The following ANKRD40CL variants were observed in gnomAD, a reference collection of about 807,000 sequenced individuals.
ANKRD40CL encodes the protein ANKRD40 C-terminal like, also known as putative ANKRD40 C-terminal-like protein.
For missense variants in ANKRD40CL, 11 were observed against 6.4 expected (o/e 1.71, Z -0.77); for synonymous variants, 5 against 2.3 (o/e 2.14, Z -1.04).
At chr17:50,767,244 G>A (rs1260451542) in intron 1 of ANKRD40CL, 1 of 535,368 alleles carries the variant, frequency 1.9e-6, no homozygotes, top group Non-Finnish European at 3.6e-6. Context: ...TCGGAGGGGA[G>A]GCCAGAGAGG....
chr17:50,767,187 G>T (rs780750862), intron 1 of ANKRD40CL, 176 bp from the exon 2 acceptor site: 8 of 631,614 alleles, frequency 1.3e-5, no homozygotes, highest in Non-Finnish European at 2.3e-5. Context: ...TGTCCCCACT[G>T]GAAGACGGTG....
intron 2 of ANKRD40CL, chr17:50,764,863 G>T (rs1166408861): frequency 1.3e-5 from 2 of 152,204 alleles, no homozygotes; most frequent in African/African-American, 4.8e-5. Flanking sequence ...CAGTTGTCGG[G>T]GCATGATGAA....
Position 50,762,630 on chromosome 17 carries a change from TC to T in ANKRD40CL, c.201+766del, listed in dbSNP as rs1370287068. Among the ~76,000 whole-genome samples, 3 of 152,128 alleles carry T rather than the reference TC, an allele frequency of 2.0e-5. No homozygotes were observed. In the East Asian group the frequency reaches 5.8e-4, roughly 29 times the overall value. ...ATTTTGAAAGCTTTAAAGAAAAATT[TC>T]CAAAGAAATAAGATTTCCTTTCCAA... On this transcript the variant is annotated intron_variant, in intron 3 of 3. Transcript: ENST00000450727.
intron 2 of ANKRD40CL, 61 bp downstream of exon 2, chr17:50,766,813 C>G: frequency 3.3e-6 from 2 of 605,710 alleles, no homozygotes; most frequent in Non-Finnish European, 5.8e-6. Context: ...TCCCAGCCTT[C>G]CCCAGCCCCC....
intron 2 of ANKRD40CL, among the ~76,000 whole-genome samples, chr17:50,765,682 C>T (rs754401987): frequency 5.9e-5 from 9 of 152,194 alleles, no homozygotes; most frequent in Non-Finnish European, 8.8e-5. Flanking sequence ...CAGGGTATTG[C>T]GACCTCCCCA....
intron 2 of ANKRD40CL, chr17:50,763,936 C>A: frequency 2.6e-6 from 1 of 389,016 alleles, no homozygotes; most frequent in Non-Finnish European, 4.5e-6. Flanking sequence ...CCCTGGGGGC[C>A]CTGGTGTCCT....
intron 1 of ANKRD40CL, 199 bp downstream of exon 1, chr17:50,767,264 C>A: frequency 2.0e-6 from 1 of 498,828 alleles, no homozygotes; most frequent in South Asian, 1.7e-5. Context: ...GCACAGCAGG[C>A]ACCCAGCCAG....
intron 1 of ANKRD40CL, 136 bp downstream of exon 1, chr17:50,767,327 A>G (rs926553847): frequency 5.3e-6 from 2 of 376,956 alleles, no homozygotes; most frequent in Admixed American, 3.7e-5. Flanking sequence ...TAGCTTCTAC[A>G]CCAGGGGTAA....
rs58902684 is a variant in ANKRD40CL at position 50,761,033 on chromosome 17, A to ATTATTTATTTAT, written c.*318_*329dup. On this transcript the variant is annotated 3_prime_UTR_variant, in exon 4 of 4. Transcript: ENST00000450727. Reference sequence around the variant, plus strand: ...TTCAGTTTTTTAATTCCTGGGATTGATTATTTATTTATTTATTTATTTTGA... The same window carrying ATTATTTATTTAT: ...TTCAGTTTTTTAATTCCTGGGATTGATTATTTATTTATTTATTTATTTATTTATTTATTTTGA... 67,304 of 148,482 alleles carry ATTATTTATTTAT rather than the reference A, an allele frequency of 0.45. 15,967 individuals carry two copies. Among genetic ancestry groups the ATTATTTATTTAT allele is most frequent in the Non-Finnish European group, 0.51 (34,878 of 67,914 alleles). 9.2% of individuals were successfully genotyped at this position (148,482 alleles called of 1,614,324 possible). A position where few individuals can be genotyped will look rare whatever the true frequency, so the allele number is the denominator to read the frequency against.
Position 50,764,369 on chromosome 17 carries a change from G to T in ANKRD40CL, c.41-812C>A, listed in dbSNP as rs1971259476. The T allele has an allele frequency of 7.6e-6, 3 of 397,214 alleles. No individual in the cohort carries two copies. The East Asian group carries it at 1.1e-4, about 14-fold the overall frequency. 24.6% of individuals were successfully genotyped at this position (397,214 alleles called of 1,614,324 possible). ...TGCAGCTTATCCTCCCCTTCTCAAG[G>T]GAAAAGGCAAGTCAGGAAAAGGGCA... On this transcript the variant is annotated intron_variant, in intron 2 of 3. Transcript: ENST00000450727.
chr17:50,767,214 AC>A (rs1346959561), intron 1 of ANKRD40CL: 9 of 593,180 alleles, frequency 1.5e-5, no homozygotes, highest in Non-Finnish European at 2.5e-5. Flanking sequence ...GGTAGTACTC[AC>A]CCGAGGGAAT....
intron 1 of ANKRD40CL, 66 bp downstream of exon 1, chr17:50,767,397 T>G: frequency 2.9e-6 from 1 of 340,724 alleles, no homozygotes; most frequent in Non-Finnish European, 5.8e-6. Flanking sequence ...TTTCACTGTC[T>G]TTACTCCCAG....
intron 3 of ANKRD40CL, 76 bp downstream of exon 3, chr17:50,763,321 G>A (rs1024060049): frequency 5.0e-6 from 2 of 398,812 alleles, no homozygotes; most frequent in African/African-American, 2.1e-5. Flanking sequence ...ATGAAATGCA[G>A]AAGTGTAAAC....
At chr17:50,762,101 T>C (rs1045891472) in intron 3 of ANKRD40CL, among the ~76,000 whole-genome samples, 1 of 151,908 alleles carries the variant, frequency 6.6e-6, no homozygotes, top group Non-Finnish European at 1.5e-5. Context: ...TGTATTTTCC[T>C]GTAGAGACAG....
intron 2 of ANKRD40CL, 179 bp from the exon 3 acceptor site, chr17:50,763,736 T>G (rs1403315779): frequency 2.5e-6 from 1 of 393,076 alleles, no homozygotes; most frequent in Non-Finnish European, 4.5e-6. Context: ...GAGGGTTCTT[T>G]TCTTGGAGTG....
intron 2 of ANKRD40CL, chr17:50,766,481 C>G (rs914174118): frequency 4.9e-6 from 1 of 202,030 alleles, no homozygotes; most frequent in African/African-American, 2.3e-5. Flanking sequence ...GCCCTTTGCA[C>G]TCAGGCAGAT....
At chr17:50,763,613 C>CA in intron 2 of ANKRD40CL, 56 bp from the exon 3 acceptor site, 1 of 398,748 alleles carries the variant, frequency 2.5e-6, no homozygotes, top group Non-Finnish European at 4.4e-6. Context: ...GTAAAGGAAA[C>CA]AAAATACCTG....
At position 50,761,490 on chromosome 17, in the gene ANKRD40CL, C is replaced by G; in HGVS notation, c.218G>C (p.Arg73Thr). ...TTCCACTTCCTGAAAGTCCCGCAGT[C>G]TTCGAATGTCTTTGTCCTTAATGTA... ...TLLRKDKDIR[R>T]LRDFQEVELI... Residue 73 changes from arginine to threonine, a missense_variant, in exon 4 of 4, where the codon AGA (arginine) becomes ACA (threonine). Transcript: ENST00000450727. The G allele has an allele frequency of 2.5e-6, 1 of 398,958 alleles. No homozygotes were observed. The highest frequency in any genetic ancestry group is 4.4e-6 in the Non-Finnish European group (1 of 226,024). 24.7% of individuals were successfully genotyped at this position (398,958 alleles called of 1,614,324 possible).
rs190721317 is a variant in ANKRD40CL, at chr17:50,763,628, A to G, written c.41-71T>C. On this transcript the variant is annotated intron_variant, in intron 2 of 3. Transcript: ENST00000450727. Reference sequence around the variant, plus strand: ...GTAAAGGAAACAAAATACCTGTCAGAGATTTTCATATCTATTATTACAGCA... The same window carrying G: ...GTAAAGGAAACAAAATACCTGTCAGGGATTTTCATATCTATTATTACAGCA... The G allele has an allele frequency of 9.7e-4, 385 of 398,518 alleles. 1 individual carries two copies. Among genetic ancestry groups the G allele is most frequent in the African/African-American group, 7.4e-3 (363 of 48,768 alleles). The allele number at this position is 398,518 out of a possible 1,614,324, so 24.7% of individuals were successfully genotyped here. A position where few individuals can be genotyped will look rare whatever the true frequency, so the allele number is the denominator to read the frequency against.
Sources: allele counts gnomAD v4.1 joint callset (sites outside exome capture counted in the v4.1 genomes callset), GRCh38; gene constraint gnomAD v4.1.1; transcripts MANE v1.5; gene names NCBI Gene and HGNC (gene_info 2026-07-23, HGNC 2026-07-21).